Variants in FRRS1L observed in about 807,000 individuals in gnomAD.
FRRS1L encodes ferric chelate reductase 1 like, also known as DOMON domain-containing protein FRRS1L.
In FRRS1L, 22 loss-of-function variants were observed where a neutral mutation model predicts 28.6. The ratio of observed to expected loss-of-function variants is 0.77; its 90% CI spans 0.55 to 1.10. The LOEUF (loss-of-function observed/expected upper bound fraction) is 1.10, where lower values mean the gene tolerates loss of function less well. Among genes scored for constraint, FRRS1L ranks in the 50% least tolerant of loss-of-function variants. The pLI is 0.00. For synonymous variants in FRRS1L, 158 were observed against 151.4 expected (o/e 1.04, Z -0.32); for missense variants, 380 against 386.9 (o/e 0.98, Z 0.15).
intron 2 of FRRS1L, among the ~76,000 whole-genome samples, chr9:109,148,997 C>T (rs896051304): frequency 2.6e-5 from 4 of 152,176 alleles, no homozygotes; most frequent in Admixed American, 6.5e-5. Context: ...ACCATCAAAA[C>T]TTTGCCCCTG....
rs759702689 is a variant in FRRS1L, at chr9:109,137,594, G to C, written c.743C>G (p.Pro248Arg). 4.3e-6 allele frequency: 7 copies of C among 1,610,354 alleles called. No individual in the cohort carries two copies. The highest frequency in any genetic ancestry group is 5.9e-6 in the Non-Finnish European group (7 of 1,177,782). ...AATACTGACAACACGCTCTGAAGCC[G>C]GCGGTGAGTCTATATCATGTCGAGT... Reference protein sequence around the residue: ...SITRHDIDSPPASERVVSIYK... With the variant: ...SITRHDIDSPRASERVVSIYK... The change falls in exon 5 of 5, where the codon CCG (proline) becomes CGG (arginine). Residue 248 changes from proline to arginine, a missense_variant. Coordinates refer to ENST00000561981, the MANE Select transcript of FRRS1L (RefSeq NM_014334.4).
At chr9:109,143,758 G>A (rs991272863) in intron 3 of FRRS1L, among the ~76,000 whole-genome samples, 22 of 151,972 alleles carry the variant, frequency 1.4e-4, no homozygotes, top group Non-Finnish European at 2.4e-4. Context: ...CAGGGGATCC[G>A]CCTGCCTCGG....
At position 109,131,673 on chromosome 9, in the gene FRRS1L, T is replaced by G. The variant is rs1831057911; in HGVS notation, c.*5782A>C. On this transcript the variant is annotated 3_prime_UTR_variant, in exon 5 of 5. Coordinates refer to ENST00000561981, the MANE Select transcript of FRRS1L (RefSeq NM_014334.4). Reference sequence around the variant, plus strand: ...TAGGAATGTATCAAATGTATATCACTTTCATATCATCGTAAGTTTGAAAAC... The same window carrying G: ...TAGGAATGTATCAAATGTATATCACGTTCATATCATCGTAAGTTTGAAAAC... The G allele has an allele frequency of 6.6e-6, 1 of 152,230 alleles. No homozygotes were observed. 9.4% of individuals were successfully genotyped at this position (152,230 alleles called of 1,614,324 possible).
chr9:109,155,510 T>C (rs940247006), intron 1 of FRRS1L, among the ~76,000 whole-genome samples: 2 of 152,062 alleles, frequency 1.3e-5, no homozygotes, highest in Non-Finnish European at 2.9e-5. Context: ...GGTCAGGAGT[T>C]CGAGACCAGC....
At chr9:109,150,632 C>A (rs1831320408) in intron 1 of FRRS1L, 2 of 152,166 alleles carry the variant, frequency 1.3e-5, no homozygotes, top group Non-Finnish European at 2.9e-5. Flanking sequence ...ATACCATACC[C>A]AACTTGTCGC....
chr9:109,155,487 G>A (rs908800396), intron 1 of FRRS1L, among the ~76,000 whole-genome samples: 2 of 152,252 alleles, frequency 1.3e-5, no homozygotes, highest in Admixed American at 6.5e-5. Flanking sequence ...GCTGAGGCAG[G>A]CAGATCACTT....
At chr9:109,142,508 A>G (rs1831200580) in intron 3 of FRRS1L, among the ~76,000 whole-genome samples, 1 of 152,262 alleles carries the variant, frequency 6.6e-6, no homozygotes, top group Non-Finnish European at 1.5e-5. Flanking sequence ...TTTCTCAAAA[A>G]AATAAAATAA....
chr9:109,167,167 G>A lies in FRRS1L; in HGVS notation c.-29C>T. 8.7e-7 allele frequency: 1 copy of A among 1,145,168 alleles called. No individual in the cohort carries two copies. The highest frequency in any genetic ancestry group is 1.1e-6 in the Non-Finnish European group (1 of 936,108). The allele number at this position is 1,145,168 out of a possible 1,614,324, so 70.9% of individuals were successfully genotyped here. On this transcript the variant is annotated 5_prime_UTR_variant, in exon 1 of 5. Transcript: ENST00000561981. ...TGCGCACAGATCCCGCAGCCAGGCC[G>A]CTCGGGCCGCAGCGGGGGCGCCGCG...
rs1196832073 is a variant in FRRS1L, at chr9:109,130,518, T to C, written c.*6937A>G. ...TAGAAATCCACGTCTTTATTAGTAA[T>C]GTGCCACACATCTTAGAGTAAAAAT... On this transcript the variant is annotated 3_prime_UTR_variant, in exon 5 of 5. Transcript: ENST00000561981. 6.6e-6 allele frequency: 1 copy of C among 152,224 alleles called. No homozygotes were observed. Among genetic ancestry groups the C allele is most frequent in the East Asian group, 1.9e-4 (1 of 5,204 alleles). The allele number at this position is 152,224 out of a possible 1,614,324, so 9.4% of individuals were successfully genotyped here.
In FRRS1L at chr9:109,141,547, T is replaced by C; in HGVS notation, c.505A>G (p.Arg169Gly). The C allele has an allele frequency of 6.2e-7, 1 of 1,613,990 alleles. No homozygotes were observed. Among genetic ancestry groups the C allele is most frequent in the Non-Finnish European group, 8.5e-7 (1 of 1,179,944 alleles). The change falls in exon 4 of 5, where the codon AGG becomes GGG. Residue 169 changes from arginine (R) to glycine (G), a missense_variant. Arg to Gly is a moderately radical substitution (Grantham distance 125, BLOSUM62 -2). Transcript: ENST00000561981. ...TTATAGAAGTGCTGTATGCGGACCC[T>C]GCCATTGTCATCATGGACGCAGGCC... is the stretch of plus-strand genomic sequence containing the variant. ...VMACVHDDNGRVRIQHFYNVG... is the reference protein window; with the variant it reads ...VMACVHDDNGGVRIQHFYNVG...
At position 109,161,721 on chromosome 9, in the gene FRRS1L, CT is replaced by C. The variant is rs373367364; in HGVS notation, c.238+5179del. The stretch of plus-strand genomic sequence containing the variant: ...TCTAATTAATGGCTTGGCTCACAGC[CT>C]TTAGCTATTAATTTAGTACTTGATT... On this transcript the variant is annotated intron_variant, in intron 1 of 4. Coordinates refer to ENST00000561981, the MANE Select transcript of FRRS1L (RefSeq NM_014334.4). Among the ~76,000 whole-genome samples the C allele has an allele frequency of 7.8e-3, 1,181 of 152,260 alleles. 13 individuals carry two copies. The highest frequency in any genetic ancestry group is 0.027 in the African/African-American group (1,122 of 41,538).
chr9:109,158,973 G>A (rs2118506253), intron 1 of FRRS1L, among the ~76,000 whole-genome samples: 1 of 152,212 alleles, frequency 6.6e-6, no homozygotes, highest in South Asian at 2.1e-4. Context: ...TCCTTGCCAG[G>A]ACTTGTTATT....
At chr9:109,149,817 C>T (rs773410269) in intron 1 of FRRS1L, 97 bp from the exon 2 acceptor site, 2 of 819,910 alleles carry the variant, frequency 2.4e-6, no homozygotes, top group African/African-American at 1.7e-5. Context: ...TCACACATAT[C>T]GAGAAATGTT....
At position 109,147,089 on chromosome 9, in the gene FRRS1L, C is replaced by T; in HGVS notation, c.424G>A (p.Gly142Ser). Residue 142 changes from glycine (G) to serine (S), a missense_variant, in exon 3 of 5, where the codon GGT becomes AGT. Physicochemically the swap from Gly to Ser is moderately conservative, Grantham distance 56. Transcript: ENST00000561981. ...GAAGAGAATCCAACTGCTACCCAAC[C>T]ATCTGTGTCTGCACTCAGCTCAAAT... The part of the protein sequence containing the change: ...VEFELSADTD[G>S]WVAVGFSSDK... The T allele has an allele frequency of 6.2e-7, 1 of 1,613,894 alleles. No individual in the cohort carries two copies. The highest frequency in any genetic ancestry group is 8.5e-7 in the Non-Finnish European group (1 of 1,179,748).
At chr9:109,143,938 C>T (rs892831823) in intron 3 of FRRS1L, among the ~76,000 whole-genome samples, 1 of 151,948 alleles carries the variant, frequency 6.6e-6, no homozygotes, top group African/African-American at 2.4e-5. Flanking sequence ...AAAAAGAGAC[C>T]TCTACTTTCA....
chr9:109,160,372 A>G (rs1831466192), intron 1 of FRRS1L, among the ~76,000 whole-genome samples: 1 of 152,052 alleles, frequency 6.6e-6, no homozygotes, highest in African/African-American at 2.4e-5. Flanking sequence ...CCCTTTCCCC[A>G]ACCTGGCACA....
intron 4 of FRRS1L, chr9:109,141,069 C>A (rs1533642): frequency 2.0e-6 from 1 of 491,518 alleles, no homozygotes; most frequent in Non-Finnish European, 3.7e-6. Context: ...ACAGCAGATA[C>A]ATGATCTGTT....
At chr9:109,160,503 C>A (rs1831467938) in intron 1 of FRRS1L, among the ~76,000 whole-genome samples, 1 of 109,676 alleles carries the variant, frequency 9.1e-6, no homozygotes, top group African/African-American at 3.3e-5. Context: ...CCTCCTGCCT[C>A]AGCCTCTCGT....
chr9:109,160,815 C>T (rs1204562638), intron 1 of FRRS1L, among the ~76,000 whole-genome samples: 1 of 110,260 alleles, frequency 9.1e-6, no homozygotes, highest in African/African-American at 3.8e-5. Context: ...TTTTTTTAGA[C>T]AGAGTCTCGC....
Sources: gnomAD v4.1 joint callset for allele counts (sites outside exome capture counted in the v4.1 genomes callset) on GRCh38, gnomAD v4.1.1 for gene constraint, MANE v1.5 for transcripts, NCBI Gene and HGNC (gene_info 2026-07-23, HGNC 2026-07-21) for gene names.